Variants in MAEA observed in about 807,000 individuals in gnomAD.
MAEA encodes E3 ubiquitin-protein transferase MAEA.
Under a neutral mutation model 46.2 loss-of-function variants are expected in MAEA, and 22 were observed. The observed-to-expected ratio is 0.48, with a 90% confidence interval of 0.34 to 0.68. The LOEUF (loss-of-function observed/expected upper bound fraction) is 0.68, where lower values mean the gene tolerates loss of function less well. MAEA is among the 30% of genes least tolerant of loss of function. MAEA has a pLI of 0.01. For missense variants in MAEA, 393 were observed against 558.1 expected (o/e 0.70, Z 2.98); for synonymous variants, 246 against 222.6 (o/e 1.11, Z -0.94).
At chr4:1,320,273 G>A (rs184704533) in intron 3 of MAEA, among the ~76,000 whole-genome samples, 1 of 151,400 alleles carries the variant, frequency 6.6e-6, no homozygotes, top group Admixed American at 6.6e-5. Context: ...ACTCTATGAC[G>A]GGGCTTCAGA....
At position 1,339,326 on chromosome 4, in the gene MAEA, T is replaced by G; in HGVS notation, c.*157T>G. 1 of 599,288 alleles carries G rather than the reference T, an allele frequency of 1.7e-6. No individual in the cohort carries two copies. The allele number at this position is 599,288 out of a possible 1,614,324, so 37.1% of individuals were successfully genotyped here. On this transcript the variant is annotated 3_prime_UTR_variant, in exon 9 of 9. Coordinates refer to ENST00000303400, the MANE Select transcript of MAEA (RefSeq NM_001017405.3). ...TAAATACTCTTAGGAAGAGAGAAAA[T>G]AAGGTTTCATAAGTTTGTACTTGAA...
chr4:1,328,999 CGTGTGGCCTCG>C lies in MAEA; in HGVS notation c.656+1300_656+1310del. 3.0e-6 allele frequency: 3 copies of C among 987,032 alleles called. No homozygotes were observed. The South Asian group carries it at 1.4e-4, about 46-fold the overall frequency. The allele number at this position is 987,032 out of a possible 1,614,324, so 61.1% of individuals were successfully genotyped here. On this transcript the variant is annotated intron_variant, in intron 5 of 8. Transcript: ENST00000303400. ...GGGGCTCCCGCTCTGCTCTGGCCTC[CGTGTGGCCTCG>C]GTGCCTGTGTCGCTGGCCTCTGTCC...
At chr4:1,298,193 CCTGT>C (rs1267264872) in intron 1 of MAEA, 2 of 409,146 alleles carry the variant, frequency 4.9e-6, no homozygotes, top group South Asian at 1.7e-5. Flanking sequence ...GCGGCTTGGC[CCTGT>C]CTGTCGCCTG....
intron 1 of MAEA, among the ~76,000 whole-genome samples, chr4:1,295,306 T>C (rs1734527900): frequency 6.6e-6 from 1 of 152,136 alleles, no homozygotes; most frequent in African/African-American, 2.4e-5. Context: ...AGAATCGTTA[T>C]AGCTAGGGGC....
chr4:1,298,682 G>A (rs1046758456), intron 1 of MAEA, among the ~76,000 whole-genome samples: 2 of 152,032 alleles, frequency 1.3e-5, no homozygotes, highest in Admixed American at 1.3e-4. Flanking sequence ...GTTTCCCCCC[G>A]GGCTCAGTCC....
chr4:1,309,883 G>A (rs945115808), intron 1 of MAEA: 38 of 1,308,444 alleles, frequency 2.9e-5, no homozygotes, highest in Non-Finnish European at 3.5e-5. Flanking sequence ...GAGGCGGACG[G>A]CCCGGCAGGG....
chr4:1,294,084 C>G (rs1343162738), intron 1 of MAEA, among the ~76,000 whole-genome samples: 4 of 152,240 alleles, frequency 2.6e-5, no homozygotes, highest in African/African-American at 7.2e-5. Context: ...TCCACCTCTT[C>G]TGTGGCCGGC....
intron 7 of MAEA, chr4:1,337,825 T>A (rs1712992289): frequency 5.8e-6 from 1 of 173,802 alleles, no homozygotes; most frequent in Admixed American, 6.1e-5. Context: ...CCCTCTCCTG[T>A]GACTGACTCT....
chr4:1,322,517 C>T lies in MAEA; in HGVS notation c.579+14C>T. 1.2e-6 allele frequency: 2 copies of T among 1,612,896 alleles called. No individual in the cohort carries two copies. The highest frequency in any genetic ancestry group is 1.7e-6 in the Non-Finnish European group (2 of 1,179,594). On this transcript the variant is annotated intron_variant, in intron 4 of 8. Coordinates refer to ENST00000303400, the MANE Select transcript of MAEA (RefSeq NM_001017405.3). ...CGGAAGATGAAGGTGCACGGACTCC[C>T]AGGTTGGGGTGGGAGTGGGTCGGGG...
intron 1 of MAEA, among the ~76,000 whole-genome samples, chr4:1,305,030 A>G (rs1045674288): frequency 3.3e-5 from 5 of 152,136 alleles, no homozygotes; most frequent in African/African-American, 9.7e-5. Context: ...CTGTCTTTCC[A>G]TAGCCATCCA....
At chr4:1,306,646 G>T (rs1266910627) in intron 1 of MAEA, among the ~76,000 whole-genome samples, 1 of 152,306 alleles carries the variant, frequency 6.6e-6, no homozygotes, top group East Asian at 1.9e-4. Flanking sequence ...TCCATGGCTC[G>T]TGTTCTTAAC....
intron 1 of MAEA, chr4:1,309,609 G>A (rs1736216197): frequency 1.3e-6 from 2 of 1,518,384 alleles, no homozygotes; most frequent in South Asian, 1.2e-5. Flanking sequence ...GGAGGAGCGT[G>A]CGCAGAGGCG....
At chr4:1,332,636 C>G (rs529780909) in intron 5 of MAEA, 121 bp from the exon 6 acceptor site, 1 of 677,464 alleles carries the variant, frequency 1.5e-6, no homozygotes. Context: ...CCTGAGAGTT[C>G]GAGGCTACAG....
At chr4:1,326,314 G>A (rs1307372051) in intron 4 of MAEA, among the ~76,000 whole-genome samples, 2 of 152,212 alleles carry the variant, frequency 1.3e-5, no homozygotes, top group Non-Finnish European at 2.9e-5. Flanking sequence ...AGTGACACGC[G>A]GCCCCAGCCC....
intron 1 of MAEA, among the ~76,000 whole-genome samples, chr4:1,295,839 A>G: frequency 1.8e-5 from 1 of 56,306 alleles, no homozygotes; most frequent in South Asian, 8.7e-4. Context: ...TGCCCTCCTC[A>G]CCCATGCCGG....
At chr4:1,328,645 G>T in intron 5 of MAEA, 1 of 1,274,168 alleles carries the variant, frequency 7.8e-7, no homozygotes. Context: ...GGGCCGGGTG[G>T]CCGAGTGTTC....
intron 1 of MAEA, chr4:1,299,718 C>T (rs1347406986): frequency 6.6e-6 from 1 of 152,352 alleles, no homozygotes; most frequent in Non-Finnish European, 1.5e-5. Flanking sequence ...GTCCCATGTC[C>T]TCACCTTCAA....
At chr4:1,304,325 G>T (rs1440503915) in intron 1 of MAEA, among the ~76,000 whole-genome samples, 1 of 152,196 alleles carries the variant, frequency 6.6e-6, no homozygotes, top group East Asian at 1.9e-4. Flanking sequence ...TAGAGACGGG[G>T]GTGTCTCTAT....
chr4:1,320,838 C>T lies in MAEA; in HGVS notation c.457-1543C>T, dbSNP rs200280264. On this transcript the variant is annotated intron_variant, in intron 3 of 8. Transcript: ENST00000303400. ...GCAAGAGGCCGGGCACGGTGGCTCA[C>T]GCCTGTAATCCCAGCACTCTGGGAG... 1.3e-4 allele frequency among the ~76,000 whole-genome samples: 19 copies of T among 151,736 alleles called. No homozygotes were observed. The East Asian group carries it at 1.8e-3, about 14-fold the overall frequency.
Sources: allele counts gnomAD v4.1 joint callset (sites outside exome capture counted in the v4.1 genomes callset), GRCh38; gene constraint gnomAD v4.1.1; transcripts MANE v1.5; gene names NCBI Gene and HGNC (gene_info 2026-07-23, HGNC 2026-07-21).